Variants in GPBP1L1 observed in about 807,000 individuals in gnomAD.
The protein encoded by GPBP1L1 is GC-rich promoter binding protein 1 like 1.
GPBP1L1 carries 23 observed loss-of-function variants against 52.5 expected under a neutral mutation model. The observed-to-expected ratio is 0.44, with a 90% confidence interval of 0.32 to 0.62. GPBP1L1 has a LOEUF of 0.62. Ranked by LOEUF, GPBP1L1 falls within the 20% of genes least tolerant of loss-of-function variation. The pLI is 0.06. For missense variants in GPBP1L1, 596 were observed against 579.3 expected (o/e 1.03, Z -0.30); for synonymous variants, 243 against 203.1 (o/e 1.20, Z -1.67).
intron 2 of GPBP1L1, among the ~76,000 whole-genome samples, chr1:45,664,786 C>T (rs1462356206): frequency 6.6e-6 from 1 of 151,906 alleles, no homozygotes; most frequent in Non-Finnish European, 1.5e-5. Context: ...TCAAGCAATT[C>T]TCATGCCTCA....
At chr1:45,680,890 T>C (rs750256915) in intron 2 of GPBP1L1, among the ~76,000 whole-genome samples, 7 of 152,082 alleles carry the variant, frequency 4.6e-5, no homozygotes, top group Non-Finnish European at 1.0e-4. Flanking sequence ...GCCTAATAGT[T>C]GGAGGGTAGA....
rs1644939449 is a variant in GPBP1L1, at chr1:45,660,852, T to A, written c.-724A>T. On this transcript the variant is annotated 5_prime_UTR_variant, in exon 3 of 13. Transcript: ENST00000355105. ...GTTAAAAAAAAATAAAAAATAAAAA[T>A]AGACAGGAATTTGCTACACTTTTCC... The A allele has an allele frequency of 6.6e-6, 1 of 152,190 alleles. No homozygotes were observed. The highest frequency in any genetic ancestry group is 1.5e-5 in the Non-Finnish European group (1 of 68,052). 9.4% of individuals were successfully genotyped at this position (152,190 alleles called of 1,614,324 possible).
In GPBP1L1 at chr1:45,686,487, A is replaced by C. The variant is rs1177737761; in HGVS notation, c.-1218T>G. ...CGTCCCCAGCTTGTCGACCCGGCAG[A>C]GGCGGCTAGTCCACAACCATAACAA... is the stretch of plus-strand genomic sequence containing the variant. On this transcript the variant is annotated 5_prime_UTR_variant, in exon 1 of 13. Coordinates refer to ENST00000355105, the MANE Select transcript of GPBP1L1 (RefSeq NM_021639.5). The C allele has an allele frequency of 6.6e-6, 1 of 152,354 alleles. No individual in the cohort carries two copies. Among genetic ancestry groups the C allele is most frequent in the African/African-American group, 2.4e-5 (1 of 41,466 alleles). 9.4% of individuals were successfully genotyped at this position (152,354 alleles called of 1,614,324 possible).
chr1:45,657,905 T>C (rs1288702307), intron 4 of GPBP1L1, among the ~76,000 whole-genome samples: 1 of 152,182 alleles, frequency 6.6e-6, no homozygotes, highest in East Asian at 1.9e-4. Flanking sequence ...CAAAAGATCA[T>C]GGGTCTAGAT....
intron 12 of GPBP1L1, among the ~76,000 whole-genome samples, chr1:45,629,101 T>A (rs1328619095): frequency 1.3e-5 from 2 of 152,214 alleles, no homozygotes; most frequent in East Asian, 3.8e-4. Flanking sequence ...ACCCCATTTG[T>A]CTTGTTCACC....
At chr1:45,636,777 TCA>T (rs1644599800) in intron 8 of GPBP1L1, among the ~76,000 whole-genome samples, 1 of 152,212 alleles carries the variant, frequency 6.6e-6, no homozygotes, top group Non-Finnish European at 1.5e-5. Context: ...CTAGAAAGTG[TCA>T]CAAAGATTTC....
chr1:45,670,604 G>A (rs552510599), intron 2 of GPBP1L1, among the ~76,000 whole-genome samples: 15 of 151,634 alleles, frequency 9.9e-5, no homozygotes, highest in Non-Finnish European at 2.1e-4. Context: ...TTTGTATACG[G>A]TATGAGACCC....
At chr1:45,658,531 G>A (rs969736404) in intron 4 of GPBP1L1, among the ~76,000 whole-genome samples, 1 of 152,230 alleles carries the variant, frequency 6.6e-6, no homozygotes, top group Non-Finnish European at 1.5e-5. Flanking sequence ...TAATAAGGTA[G>A]ACATTCATGT....
chr1:45,657,153 A>G (rs1391025000), intron 4 of GPBP1L1, among the ~76,000 whole-genome samples: 2 of 152,226 alleles, frequency 1.3e-5, no homozygotes, highest in Non-Finnish European at 2.9e-5. Flanking sequence ...ATAGATCTAT[A>G]TACTTTTCAG....
Position 45,628,322 on chromosome 1 carries a change from T to A in GPBP1L1, c.1359A>T (p.Ala453=), listed in dbSNP as rs370823552. 6.2e-7 allele frequency: 1 copy of A among 1,614,200 alleles called. No homozygotes were observed. The highest frequency in any genetic ancestry group is 1.1e-5 in the South Asian group (1 of 91,084). Reference sequence around the variant, plus strand: ...TTTCGGTGTCTGAGTCCTCAAACTCTGCTTTGCAAGTGCTTCTCCAAGGGG... The same window carrying A: ...TTTCGGTGTCTGAGTCCTCAAACTCAGCTTTGCAAGTGCTTCTCCAAGGGG... ...LFSPWRSTCK[A]EFEDSDTETS... Residue 453 remains alanine (A), a synonymous_variant, in exon 13 of 13, where the codon GCA becomes GCT. Transcript: ENST00000355105.
Position 45,629,459 on chromosome 1 carries a change from C to T in GPBP1L1, c.1272+117G>A, listed in dbSNP as rs377590904. The T allele has an allele frequency of 2.1e-4, 16 of 77,718 alleles. 1 individual carries two copies. The highest frequency in any genetic ancestry group is 3.8e-4 in the South Asian group (1 of 2,638). 4.8% of individuals were successfully genotyped at this position (77,718 alleles called of 1,614,324 possible). ...CTACATTTCTACTAAGGTAATCCCC[C>T]CCCCCCCCACCCGATCTTTCTCTCA... On this transcript the variant is annotated intron_variant, in intron 12 of 12. Transcript: ENST00000355105.
chr1:45,684,685 A>C (rs932806656), intron 2 of GPBP1L1, among the ~76,000 whole-genome samples: 5 of 152,106 alleles, frequency 3.3e-5, no homozygotes, highest in Non-Finnish European at 7.4e-5. Context: ...GTACCCCCCC[A>C]AAAAATCAAT....
chr1:45,687,576 A>G (rs1033322397), upstream of GPBP1L1: 11 of 152,280 alleles, frequency 7.2e-5, no homozygotes, highest in African/African-American at 2.7e-4. Flanking sequence ...AAGTCTAGAT[A>G]AGAGAAGGGA....
At chr1:45,628,641 G>T (rs570228971) in intron 12 of GPBP1L1, among the ~76,000 whole-genome samples, 2 of 151,934 alleles carry the variant, frequency 1.3e-5, no homozygotes, top group Non-Finnish European at 2.9e-5. Context: ...TCTGGGATGG[G>T]GCTTGAAAGT....
chr1:45,628,057 T>C lies in GPBP1L1; in HGVS notation c.*199A>G. ...AAAAAATCTGTCCCACCACACAAAC[T>C]TCTCTCTATAAAGCAGATAACAGGG... On this transcript the variant is annotated 3_prime_UTR_variant, in exon 13 of 13. Coordinates refer to ENST00000355105, the MANE Select transcript of GPBP1L1 (RefSeq NM_021639.5). 1 of 565,810 alleles carries C rather than the reference T, an allele frequency of 1.8e-6. No individual in the cohort carries two copies. Among genetic ancestry groups the C allele is most frequent in the Non-Finnish European group, 3.1e-6 (1 of 319,942 alleles). 35.0% of individuals were successfully genotyped at this position (565,810 alleles called of 1,614,324 possible).
At position 45,660,680 on chromosome 1, in the gene GPBP1L1, G is replaced by T; in HGVS notation, c.-552C>A. On this transcript the variant is annotated 5_prime_UTR_variant, in exon 3 of 13. The change creates a premature stop within an existing upstream ORF in the 5' untranslated region. Coordinates refer to ENST00000355105, the MANE Select transcript of GPBP1L1 (RefSeq NM_021639.5). The stretch of plus-strand genomic sequence containing the variant: ...TATTAAAGCCCTATAAAAGATCTGA[G>T]CAGTCAACTCCAAAACATCCACATG... 1 of 375,140 alleles carries T rather than the reference G, an allele frequency of 2.7e-6. No homozygotes were observed. Among genetic ancestry groups the T allele is most frequent in the Non-Finnish European group, 3.7e-6 (1 of 272,130 alleles). The allele number at this position is 375,140 out of a possible 1,614,324, so 23.2% of individuals were successfully genotyped here. A position where few individuals can be genotyped will look rare whatever the true frequency, so the allele number is the denominator to read the frequency against.
Position 45,640,374 on chromosome 1 carries a change from T to C in GPBP1L1, c.580A>G (p.Lys194Glu). 1 of 1,614,044 alleles carries C rather than the reference T, an allele frequency of 6.2e-7. No homozygotes were observed. The highest frequency in any genetic ancestry group is 2.2e-5 in the East Asian group (1 of 44,888). ...ENPPSAKQPS[K>E]MLVIKKVSKE... Reference sequence around the variant, plus strand: ...GAAACTTTTTTGATAACTAGCATCTTGGAGGGTTGCTTGGCACTAGGCGGG... The same window carrying C: ...GAAACTTTTTTGATAACTAGCATCTCGGAGGGTTGCTTGGCACTAGGCGGG... Residue 194 changes from lysine to glutamate, a missense_variant, in exon 8 of 13, where the codon AAG becomes GAG. By Grantham distance (56) the Lys-to-Glu change is moderately conservative. Coordinates refer to ENST00000355105, the MANE Select transcript of GPBP1L1 (RefSeq NM_021639.5).
At position 45,655,153 on chromosome 1, in the gene GPBP1L1, A is replaced by G. The variant is rs752675588; in HGVS notation, c.190+37T>C. On this transcript the variant is annotated intron_variant, in intron 5 of 12. Coordinates refer to ENST00000355105, the MANE Select transcript of GPBP1L1 (RefSeq NM_021639.5). The stretch of plus-strand genomic sequence containing the variant: ...CAGCCTGGGCTTGTCCTAAATGAGT[A>G]GCTTAAATATAGTCATGAAAGTTGG... The G allele has an allele frequency of 1.5e-5, 25 of 1,613,214 alleles. 2 individuals are homozygous for G. In the South Asian group the frequency reaches 2.6e-4, roughly 17 times the overall value.
chr1:45,635,464 G>A (rs529601703), intron 8 of GPBP1L1: 1 of 152,220 alleles, frequency 6.6e-6, no homozygotes, highest in Admixed American at 6.5e-5. Context: ...TCACTCCAGA[G>A]CACAGAAACA....
Sources: allele counts gnomAD v4.1 joint callset (sites outside exome capture counted in the v4.1 genomes callset), GRCh38; gene constraint gnomAD v4.1.1; transcripts MANE v1.5; gene names NCBI Gene and HGNC (gene_info 2026-07-23, HGNC 2026-07-21).